Variants in TMEM230 observed in about 807,000 individuals in gnomAD.
TMEM230 encodes transmembrane protein 230.
In TMEM230, 10 loss-of-function variants were observed where a neutral mutation model predicts 15.8. That is an observed-to-expected ratio of 0.63 (90% CI 0.39 to 1.07). The LOEUF (loss-of-function observed/expected upper bound fraction) is 1.07, where lower values mean the gene tolerates loss of function less well. Among genes scored for constraint, TMEM230 ranks in the 50% least tolerant of loss-of-function variants. TMEM230 has a pLI of 0.01. For synonymous variants in TMEM230, 67 were observed against 76.9 expected, an observed-to-expected ratio of 0.87 and a Z score of 0.68; for missense variants, 165 against 193.3, an observed-to-expected ratio of 0.85 and a Z score of 0.87.
intron 4 of TMEM230, among the ~76,000 whole-genome samples, chr20:5,102,043 C>A (rs2089890984): frequency 6.6e-6 from 1 of 152,208 alleles, no homozygotes; most frequent in South Asian, 2.1e-4. Flanking sequence ...CTCCTGTATG[C>A]CAGGCTCAGC....
chr20:5,064,558 A>G (rs1020453233), downstream of TMEM230, among the ~76,000 whole-genome samples: 15 of 152,230 alleles, frequency 9.9e-5, no homozygotes, highest in Admixed American at 5.2e-4. Flanking sequence ...CCTGGGCAAC[A>G]AGAGCGAAAC....
At position 5,104,811 on chromosome 20, in the gene TMEM230, A is replaced by G. The variant is rs2090005683; in HGVS notation, c.411+1377T>C. On this transcript the variant is annotated intron_variant, in intron 4 of 4. Transcript: ENST00000342308. The stretch of plus-strand genomic sequence containing the variant: ...TTCCATGTTCTCACTCATTTGCGGG[A>G]ACTAAAAATTAAAACAATTGAACTC... Among the ~76,000 whole-genome samples, 3 of 152,308 alleles carry G rather than the reference A, an allele frequency of 2.0e-5. No individual in the cohort carries two copies. In the South Asian group the frequency reaches 6.2e-4, roughly 32 times the overall value.
At chr20:5,106,699 G>A (rs1447872449) in intron 3 of TMEM230, among the ~76,000 whole-genome samples, 2 of 152,066 alleles carry the variant, frequency 1.3e-5, no homozygotes, top group Admixed American at 6.6e-5. Context: ...GAGCCACCGC[G>A]CCCGGCCTAA....
intron 3 of TMEM230, among the ~76,000 whole-genome samples, chr20:5,094,552 CA>C (rs1401631766): frequency 6.6e-6 from 1 of 151,220 alleles, no homozygotes; most frequent in Non-Finnish European, 1.5e-5. Context: ...ACTAAAAATA[CA>C]AAAATTAGTC....
chr20:5,105,677 G>A (rs1246924329), intron 4 of TMEM230, among the ~76,000 whole-genome samples: 2 of 152,124 alleles, frequency 1.3e-5, no homozygotes, highest in Non-Finnish European at 2.9e-5. Context: ...TATTATGAAT[G>A]CATGGCTGTA....
At chr20:5,081,838 A>G (rs960678428) in intron 3 of TMEM230, among the ~76,000 whole-genome samples, 17 of 148,488 alleles carry the variant, frequency 1.1e-4, no homozygotes, top group African/African-American at 4.3e-4. Flanking sequence ...GAGAATGGTC[A>G]CTCATGTTTG....
At chr20:5,087,922 G>A (rs2089394859) in intron 3 of TMEM230, among the ~76,000 whole-genome samples, 1 of 148,184 alleles carries the variant, frequency 6.7e-6, no homozygotes, top group Non-Finnish European at 1.5e-5. Context: ...CAAACTCCTG[G>A]CCTCAAGTGA....
chr20:5,065,351 G>A (rs1478422243), downstream of TMEM230, among the ~76,000 whole-genome samples: 1 of 152,228 alleles, frequency 6.6e-6, no homozygotes, highest in Non-Finnish European at 1.5e-5. Flanking sequence ...GATGTTGGCT[G>A]AGAGGTGACC....
chr20:5,095,594 C>T (rs537590887), downstream of TMEM230, among the ~76,000 whole-genome samples: 26 of 152,294 alleles, frequency 1.7e-4, no homozygotes, highest in African/African-American at 6.3e-4. Context: ...TAAGTGCCCC[C>T]ACACCCAGGG....
chr20:5,063,202 C>T, the TMEM230 span, among the ~76,000 whole-genome samples: 5 of 150,030 alleles, frequency 3.3e-5, no homozygotes, highest in African/African-American at 1.2e-4. Context: ...CCCCAGAGGA[C>T]CAAAAGTCTC....
chr20:5,087,216 A>G (rs1008470632), intron 3 of TMEM230, among the ~76,000 whole-genome samples: 3 of 152,160 alleles, frequency 2.0e-5, no homozygotes, highest in African/African-American at 7.2e-5. Flanking sequence ...GGAAAACCCA[A>G]GACTGACCCT....
chr20:5,109,216 C>T (rs1003494011), intron 3 of TMEM230, 116 bp downstream of exon 2: 4 of 752,788 alleles, frequency 5.3e-6, no homozygotes, highest in Non-Finnish European at 6.4e-6. Flanking sequence ...GAGTTTTCTT[C>T]TTGTTGCTCC....
At chr20:5,082,434 A>G (rs1032404798) in intron 3 of TMEM230, among the ~76,000 whole-genome samples, 4 of 151,306 alleles carry the variant, frequency 2.6e-5, no homozygotes, top group Admixed American at 1.3e-4. Flanking sequence ...TTTTTAAAAA[A>G]TAACTACATA....
At chr20:5,070,480 G>C (rs1237613490) in intron 3 of TMEM230, among the ~76,000 whole-genome samples, 2 of 152,194 alleles carry the variant, frequency 1.3e-5, no homozygotes, top group African/African-American at 4.8e-5. Flanking sequence ...AACCGGAAGA[G>C]TGACTAAGCC....
At chr20:5,064,375 A>G (rs945973864), downstream of TMEM230, among the ~76,000 whole-genome samples, 1 of 151,834 alleles carries the variant, frequency 6.6e-6, no homozygotes, top group African/African-American at 2.4e-5. Flanking sequence ...TCGAGAGTTC[A>G]AGACCAGCCT....
the TMEM230 span, among the ~76,000 whole-genome samples, chr20:5,062,671 G>C: frequency 6.6e-6 from 1 of 152,292 alleles, no homozygotes; most frequent in Admixed American, 6.5e-5. Flanking sequence ...GCTGAGGTGA[G>C]AGGATCACTT....
downstream of TMEM230, among the ~76,000 whole-genome samples, chr20:5,066,950 A>G (rs1568475244): frequency 6.6e-6 from 1 of 152,046 alleles, no homozygotes; most frequent in African/African-American, 2.4e-5. Context: ...ACTGACTTCA[A>G]AATGAAGCAA....
In TMEM230 at chr20:5,112,973, C is replaced by T; in HGVS notation, c.56G>A (p.Gly19Asp). 6.4e-7 allele frequency: 1 copy of T among 1,550,484 alleles called. No individual in the cohort carries two copies. ...ACACACGCCTTACCGGAGCGCCGCG[C>T]CAGGCCGCCCGCACACCCAGAGCTC... The change falls in exon 1 of 5, where the codon GGC becomes GAC. Residue 19 changes from glycine (G) to aspartate (D), a missense_variant. By Grantham distance (94) the Gly-to-Asp change is moderately conservative. Coordinates refer to ENST00000342308, the MANE Select transcript of TMEM230 (RefSeq NM_001009923.2).
At chr20:5,061,713 A>G in the TMEM230 span, among the ~76,000 whole-genome samples, 1 of 152,154 alleles carries the variant, frequency 6.6e-6, no homozygotes. Context: ...GGGAATCATG[A>G]TACAAACCCA....
Sources: allele counts gnomAD v4.1 joint callset (sites outside exome capture counted in the v4.1 genomes callset), GRCh38; gene constraint gnomAD v4.1.1; transcripts MANE v1.5; gene names NCBI Gene and HGNC (gene_info 2026-07-23, HGNC 2026-07-21).